Variants in SCD5 observed in about 807,000 individuals in gnomAD.
The protein encoded by SCD5 is acyl-CoA-desaturase 4.
Under a neutral mutation model 30.4 loss-of-function variants are expected in SCD5, and 20 were observed. The observed-to-expected ratio is 0.66, with a 90% CI of 0.46 to 0.96. The LOEUF is 0.96. SCD5 is among the 40% of genes least tolerant of loss of function. SCD5 has a pLI of 0.00. For synonymous variants in SCD5, 173 were observed against 176.4 expected (o/e 0.98, Z 0.16); for missense variants, 381 against 443.3 (o/e 0.86, Z 1.26).
At chr4:82,730,484 A>G (rs927267473) in intron 1 of SCD5, among the ~76,000 whole-genome samples, 115 of 150,318 alleles carry the variant, frequency 7.7e-4, no homozygotes, top group Middle Eastern at 3.6e-3. Context: ...TTTTAGTAGA[A>G]ACGGGGTTTC....
At chr4:82,777,738 T>C (rs1017457551) in intron 1 of SCD5, among the ~76,000 whole-genome samples, 28 of 152,304 alleles carry the variant, frequency 1.8e-4, no homozygotes, top group African/African-American at 6.7e-4. Flanking sequence ...TTCCCAACCA[T>C]GGGGCTTCCT....
In SCD5 at chr4:82,647,464, G is replaced by C. The variant is rs1727655810; in HGVS notation, c.570-10641C>G. Among the ~76,000 whole-genome samples the C allele has an allele frequency of 2.6e-5, 4 of 152,220 alleles. No individual in the cohort carries two copies. The South Asian group carries it at 8.3e-4, about 32-fold the overall frequency. The stretch of plus-strand genomic sequence containing the variant: ...CAATATCAGCTGAGGTAGCTGAATG[G>C]ATTAGATGGGCTGACGATTTTTCTT... On this transcript the variant is annotated intron_variant, in intron 3 of 4. Coordinates refer to ENST00000319540, the MANE Select transcript of SCD5 (RefSeq NM_001037582.3).
At chr4:82,767,717 T>C (rs1721524022) in intron 1 of SCD5, among the ~76,000 whole-genome samples, 1 of 152,222 alleles carries the variant, frequency 6.6e-6, no homozygotes, top group Non-Finnish European at 1.5e-5. Flanking sequence ...TCTTAACTTC[T>C]TTTATTTAAA....
At chr4:82,713,242 G>C (rs1414083011) in intron 1 of SCD5, among the ~76,000 whole-genome samples, 2 of 152,180 alleles carry the variant, frequency 1.3e-5, no homozygotes, top group Admixed American at 6.5e-5. Flanking sequence ...TTTTCCTCAA[G>C]TGTCCTTCCT....
At chr4:82,707,239 T>C (rs372972110) in intron 1 of SCD5, among the ~76,000 whole-genome samples, 31 of 152,122 alleles carry the variant, frequency 2.0e-4, no homozygotes, top group African/African-American at 6.5e-4. Context: ...CAGAGAAAGG[T>C]GCTAAATCAA....
rs996312874 is a variant in SCD5 at position 82,713,149 on chromosome 4, C to T, written c.233-7736G>A. Reference sequence around the variant, plus strand: ...ACAGCATGAATCTTTAAGCAACTGCCCACATCTAGGAAGATTAAATGACAA... The same window carrying T: ...ACAGCATGAATCTTTAAGCAACTGCTCACATCTAGGAAGATTAAATGACAA... On this transcript the variant is annotated intron_variant, in intron 1 of 4. Coordinates refer to ENST00000319540, the MANE Select transcript of SCD5 (RefSeq NM_001037582.3). Among the ~76,000 whole-genome samples, 17 of 152,160 alleles carry T rather than the reference C, an allele frequency of 1.1e-4. 1 individual carries two copies. The highest frequency in any genetic ancestry group is 1.0e-4 in the Non-Finnish European group (7 of 68,028).
intron 1 of SCD5, among the ~76,000 whole-genome samples, chr4:82,770,410 T>G (rs550103576): frequency 1.2e-4 from 18 of 152,350 alleles, no homozygotes; most frequent in East Asian, 3.9e-4. Context: ...TAAGGGTTGA[T>G]GAGTTGCAGC....
intron 3 of SCD5, among the ~76,000 whole-genome samples, chr4:82,653,842 A>G (rs765750567): frequency 3.3e-5 from 5 of 152,122 alleles, no homozygotes; most frequent in Non-Finnish European, 5.9e-5. Flanking sequence ...TTTAAAATGG[A>G]AGACTGATAA....
chr4:82,796,188 T>G (rs548014386), intron 1 of SCD5, among the ~76,000 whole-genome samples: 21 of 150,848 alleles, frequency 1.4e-4, no homozygotes, highest in African/African-American at 4.9e-4. Context: ...GAGAATGGTG[T>G]GAACCCAGGA....
At chr4:82,713,287 T>C (rs939485750) in intron 1 of SCD5, among the ~76,000 whole-genome samples, 4 of 151,780 alleles carry the variant, frequency 2.6e-5, no homozygotes, top group Admixed American at 1.3e-4. Context: ...GGTTGTAACA[T>C]ACTGGGCAAC....
At chr4:82,687,006 AC>A (rs1728722865) in intron 2 of SCD5, among the ~76,000 whole-genome samples, 1 of 152,034 alleles carries the variant, frequency 6.6e-6, no homozygotes, top group African/African-American at 2.4e-5. Flanking sequence ...CCCTGTCTCT[AC>A]TAAAGGTACA....
In SCD5 at chr4:82,630,163, A is replaced by T. The variant is rs763923910; in HGVS notation, c.*1164T>A. 2.0e-5 allele frequency: 3 copies of T among 152,218 alleles called. No homozygotes were observed. The highest frequency in any genetic ancestry group is 2.9e-5 in the Non-Finnish European group (2 of 68,030). 9.4% of individuals were successfully genotyped at this position (152,218 alleles called of 1,614,324 possible). A position where few individuals can be genotyped will look rare whatever the true frequency, so the allele number is the denominator to read the frequency against. On this transcript the variant is annotated 3_prime_UTR_variant, in exon 5 of 5. Transcript: ENST00000319540. The stretch of plus-strand genomic sequence containing the variant: ...GCAAACAGAACAAAATCAAACATCT[A>T]AACAGGCATGATTTATAAGGTGGGC...
intron 3 of SCD5, among the ~76,000 whole-genome samples, chr4:82,640,763 A>G (rs1342411265): frequency 6.6e-6 from 1 of 152,136 alleles, no homozygotes; most frequent in Non-Finnish European, 1.5e-5. Flanking sequence ...TCCTCATCTA[A>G]TAACACTCAA....
In SCD5 at chr4:82,665,405, ACAAT is replaced by A. The variant is rs1362105408; in HGVS notation, c.569+15298_569+15301del. Among the ~76,000 whole-genome samples, 40 of 152,008 alleles carry A rather than the reference ACAAT, an allele frequency of 2.6e-4. 1 individual carries two copies. Among genetic ancestry groups the A allele is most frequent in the Non-Finnish European group, 4.4e-5 (3 of 67,998 alleles). On this transcript the variant is annotated intron_variant, in intron 3 of 4. Coordinates refer to ENST00000319540, the MANE Select transcript of SCD5 (RefSeq NM_001037582.3). ...AAAAAAAAATGAATCTAGATACATC[ACAAT>A]CAAACTGCTGAAAACTGAAGATAAA...
At chr4:82,798,045 G>T (rs1175113208) in intron 1 of SCD5, among the ~76,000 whole-genome samples, 1 of 149,048 alleles carries the variant, frequency 6.7e-6, no homozygotes, top group Admixed American at 6.6e-5. Flanking sequence ...TCGGGAAGCC[G>T]GCAAATGCGC....
chr4:82,772,476 T>A (rs1401891682), intron 1 of SCD5, among the ~76,000 whole-genome samples: 1 of 152,264 alleles, frequency 6.6e-6, no homozygotes, highest in Non-Finnish European at 1.5e-5. Flanking sequence ...TACAAACATA[T>A]CCCTAACTCA....
chr4:82,792,187 GC>G (rs1349434877), intron 1 of SCD5, among the ~76,000 whole-genome samples: 1 of 151,986 alleles, frequency 6.6e-6, no homozygotes, highest in Non-Finnish European at 1.5e-5. Context: ...AACCCAGGAG[GC>G]AGAGGTTACA....
At position 82,646,512 on chromosome 4, in the gene SCD5, T is replaced by C. The variant is rs986537631; in HGVS notation, c.570-9689A>G. Among the ~76,000 whole-genome samples, 22 of 152,348 alleles carry C rather than the reference T, an allele frequency of 1.4e-4. 1 individual carries two copies. The highest frequency in any genetic ancestry group is 5.1e-4 in the African/African-American group (21 of 41,576). ...AGTTGAAAATGGGTTTTCTCTCTCCTGTGTGCAGTGTCTTTAAGTGAAAGC... is the reference window on the plus strand; with the variant it reads ...AGTTGAAAATGGGTTTTCTCTCTCCCGTGTGCAGTGTCTTTAAGTGAAAGC... On this transcript the variant is annotated intron_variant, in intron 3 of 4. Coordinates refer to ENST00000319540, the MANE Select transcript of SCD5 (RefSeq NM_001037582.3).
chr4:82,644,986 T>C (rs1266511695), intron 3 of SCD5, among the ~76,000 whole-genome samples: 1 of 152,188 alleles, frequency 6.6e-6, no homozygotes, highest in African/African-American at 2.4e-5. Flanking sequence ...ACTCAGACTC[T>C]GGGATAGGAG....
Sources: allele counts gnomAD v4.1 joint callset (sites outside exome capture counted in the v4.1 genomes callset), GRCh38; gene constraint gnomAD v4.1.1; transcripts MANE v1.5; gene names NCBI Gene and HGNC (gene_info 2026-07-23, HGNC 2026-07-21).